The following BSCL2 variants were observed in gnomAD, a reference collection of about 807,000 sequenced individuals.
BSCL2 encodes the protein seipin.
In BSCL2, 41 loss-of-function variants were observed where a neutral mutation model predicts 57.4. The ratio of observed to expected loss-of-function variants is 0.71; its 90% CI spans 0.56 to 0.93. The LOEUF (loss-of-function observed/expected upper bound fraction) is 0.93. Among genes scored for constraint, BSCL2 ranks in the 40% least tolerant of loss-of-function variants. The pLI is 0.00. For missense variants in BSCL2, 539 were observed against 586.7 expected (o/e 0.92, Z 0.84); for synonymous variants, 237 against 227.3 (o/e 1.04, Z -0.38).
rs774590929 is a variant in BSCL2 at position 62,702,470 on chromosome 11, G to A, written c.484C>T (p.Arg162Trp). The A allele has an allele frequency of 4.3e-6, 7 of 1,611,208 alleles. No individual in the cohort carries two copies. Among genetic ancestry groups the A allele is most frequent in the South Asian group, 3.3e-5 (3 of 90,966 alleles). ...NVSLTKGGRD[R>W]VLMYGQPYRV... ...CTCTCTCTAGTTCCCATACTCACCC[G>A]ATCACGTCCACCCTTAGTCAGCGAG... Residue 162 changes from arginine to tryptophan, a missense_variant and splice_region_variant, in exon 3 of 11, where the codon CGG becomes TGG. Physicochemically the swap from Arg to Trp is moderately radical, Grantham distance 101 (BLOSUM62 -3). Transcript: ENST00000360796.
At chr11:62,706,550 G>C (rs1367068097) in intron 1 of BSCL2, 1 of 461,208 alleles carries the variant, frequency 2.2e-6, no homozygotes, top group Non-Finnish European at 4.4e-6. Flanking sequence ...CCCAGGGGAT[G>C]CGCTGACTGC....
chr11:62,705,289 G>T lies in BSCL2; in HGVS notation c.404+12C>A. 6.3e-7 allele frequency: 1 copy of T among 1,599,730 alleles called. No homozygotes were observed. The highest frequency in any genetic ancestry group is 8.5e-7 in the Non-Finnish European group (1 of 1,172,262). On this transcript the variant is annotated intron_variant, in intron 2 of 10. Transcript: ENST00000360796. ...ATAGGAGTCCTCTATTTTGATAGAA[G>T]GCCCCTCTCACCTGTAGTAGAAATG...
At position 62,691,261 on chromosome 11, in the gene BSCL2, G is replaced by A. The variant is rs751077790; in HGVS notation, c.1005+19C>T. The A allele has an allele frequency of 3.7e-6, 6 of 1,614,116 alleles. No individual in the cohort carries two copies. Among genetic ancestry groups the A allele is most frequent in the Non-Finnish European group, 5.1e-6 (6 of 1,180,016 alleles). ...CACAAAGATCAAAGGGACAAAAGGG[G>A]GTCCTTGCCCCTTTCGACCTGCAAA... On this transcript the variant is annotated intron_variant, in intron 7 of 10. Transcript: ENST00000360796.
In BSCL2 at chr11:62,707,181, C is replaced by A; in HGVS notation, c.15G>T (p.Lys5Asn). Residue 5 changes from lysine (K) to asparagine (N), a missense_variant, in exon 1 of 11, where the codon AAG (lysine) becomes AAT (asparagine). By Grantham distance (94) the Lys-to-Asn change is moderately conservative. Coordinates refer to ENST00000360796, the MANE Select transcript of BSCL2 (RefSeq NM_001122955.4). MSTE[K>N]VDQKEEAGEK... ...CCCCAGCTTCCTCCTTTTGGTCTAC[C>A]TTTTCTGTAGACATCTTCCTGACGA... is the stretch of plus-strand genomic sequence containing the variant. The A allele has an allele frequency of 6.4e-7, 1 of 1,553,276 alleles. No individual in the cohort carries two copies. The highest frequency in any genetic ancestry group is 1.4e-5 in the African/African-American group (1 of 73,308).
In BSCL2 at chr11:62,690,456, A is replaced by G. The variant is rs199584887; in HGVS notation, c.1300T>C (p.Ser434Pro). 1.9e-5 allele frequency: 30 copies of G among 1,613,996 alleles called. No individual in the cohort carries two copies. Among genetic ancestry groups the G allele is most frequent in the East Asian group, 4.5e-5 (2 of 44,900 alleles). The change falls in exon 11 of 11, where the codon TCT (serine) becomes CCT (proline). Residue 434 changes from serine (S) to proline (P), a missense_variant. Ser to Pro is a moderately conservative substitution (Grantham distance 74). Transcript: ENST00000360796. ...EANLPAPAPA[S>P]ASAPVLETLG... ...GTCTCTAGGACAGGGGCAGAAGCAGAAGCAGGAGCAGGAGCAGGCAGGTTG... is the reference window on the plus strand; with the variant it reads ...GTCTCTAGGACAGGGGCAGAAGCAGGAGCAGGAGCAGGAGCAGGCAGGTTG...
rs754043914 is a variant in BSCL2, at chr11:62,692,685, T to G, written c.743A>C (p.Tyr248Ser). The change falls in exon 5 of 11, where the codon TAC becomes TCC. Residue 248 changes from tyrosine to serine, a missense_variant. Physicochemically the swap from Tyr to Ser is moderately radical, Grantham distance 144. Around this residue, in one of 3 missense-constraint regions of BSCL2, gnomAD observed 73 missense variants for 122.0 expected, o/e 0.60. Transcript: ENST00000360796. The part of the protein sequence containing the change: ...EQKQLLEVEL[Y>S]ADYRENSYVP... ...CACCGAGTTCTCTCTATAGTCTGCG[T>G]AGAGTTCCACCTCCAGCAGCTGCTT... The G allele has an allele frequency of 6.2e-7, 1 of 1,614,128 alleles. No homozygotes were observed. The highest frequency in any genetic ancestry group is 1.7e-5 in the Admixed American group (1 of 60,010).
chr11:62,698,422 C>CT (rs1353593822), intron 3 of BSCL2, among the ~76,000 whole-genome samples: 11 of 141,250 alleles, frequency 7.8e-5, no homozygotes, highest in East Asian at 4.4e-4. Context: ...TGGTCTTGAA[C>CT]CCTGACCTCA....
chr11:62,701,564 G>A (rs888449239), intron 3 of BSCL2, among the ~76,000 whole-genome samples: 4 of 152,156 alleles, frequency 2.6e-5, no homozygotes, highest in Non-Finnish European at 4.4e-5. Context: ...CAGGCTGGGC[G>A]TGGTGGCTGA....
upstream of BSCL2, chr11:62,708,607 C>T: frequency 6.3e-7 from 1 of 1,592,034 alleles, no homozygotes; most frequent in South Asian, 1.1e-5. Context: ...AAAGAGAACC[C>T]ATTTGGGGAG....
At chr11:62,700,084 T>TAAA in intron 3 of BSCL2, among the ~76,000 whole-genome samples, 1 of 80,220 alleles carries the variant, frequency 1.2e-5, no homozygotes, top group Middle Eastern at 7.9e-3. Context: ...TACTAAAAAT[T>TAAA]AAAAAAAAAA....
intron 3 of BSCL2, chr11:62,697,432 G>A (rs1945504656): frequency 6.7e-6 from 1 of 148,864 alleles, no homozygotes; most frequent in Admixed American, 6.8e-5. Flanking sequence ...ACAATTGCCT[G>A]CTTGATGGGC....
intron 1 of BSCL2, chr11:62,706,278 G>T (rs533416404): frequency 9.0e-7 from 1 of 1,111,156 alleles, no homozygotes. Context: ...GCGCTGCCAG[G>T]GCAACCGTGA....
In BSCL2 at chr11:62,690,446, G is replaced by A. The variant is rs751558047; in HGVS notation, c.1310C>T (p.Ala437Val). The change falls in exon 11 of 11, where the codon GCC becomes GTC. Residue 437 changes from alanine (A) to valine (V), a missense_variant. Coordinates refer to ENST00000360796, the MANE Select transcript of BSCL2 (RefSeq NM_001122955.4). ...LPAPAPASAS[A>V]PVLETLGSSE... is the part of the protein sequence containing the mutation. ...GCTGCCCAGAGTCTCTAGGACAGGG[G>A]CAGAAGCAGAAGCAGGAGCAGGAGC... The A allele has an allele frequency of 3.1e-6, 5 of 1,613,972 alleles. No homozygotes were observed. The highest frequency in any genetic ancestry group is 1.3e-5 in the African/African-American group (1 of 74,888).
rs919357418 is a variant in BSCL2, at chr11:62,698,590, G to A, written c.486+3878C>T. The stretch of plus-strand genomic sequence containing the variant: ...ACGCTGTGAGCTCATTGAGAGCAGC[G>A]ACCACATCTACTTATAGCAAGCCGT... On this transcript the variant is annotated intron_variant, in intron 3 of 10. Coordinates refer to ENST00000360796, the MANE Select transcript of BSCL2 (RefSeq NM_001122955.4). Among the ~76,000 whole-genome samples, 92 of 152,312 alleles carry A rather than the reference G, an allele frequency of 6.0e-4. 1 individual carries two copies. Among genetic ancestry groups the A allele is most frequent in the African/African-American group, 1.8e-3 (75 of 41,566 alleles).
At chr11:62,703,491 A>G (rs1051617115) in intron 2 of BSCL2, among the ~76,000 whole-genome samples, 1 of 151,120 alleles carries the variant, frequency 6.6e-6, no homozygotes, top group Non-Finnish European at 1.5e-5. Flanking sequence ...TAGCTGGGAC[A>G]ACAGGCGCCT....
upstream of BSCL2, chr11:62,708,260 G>T: frequency 7.3e-7 from 1 of 1,373,778 alleles, no homozygotes; most frequent in South Asian, 1.2e-5. Context: ...GCCTCCAGCT[G>T]AGACTGTGCT....
At chr11:62,703,347 G>GTT (rs541712297) in intron 2 of BSCL2, among the ~76,000 whole-genome samples, 40 of 68,782 alleles carry the variant, frequency 5.8e-4, no homozygotes, top group African/African-American at 6.9e-4. Context: ...ATGCATATAC[G>GTT]TTTTTTTTTT....
chr11:62,691,880 C>T (rs1477613115), intron 6 of BSCL2, among the ~76,000 whole-genome samples: 1 of 152,072 alleles, frequency 6.6e-6, no homozygotes, highest in Non-Finnish European at 1.5e-5. Context: ...GAAACCCCAT[C>T]TCTACCAAAA....
intron 8 of BSCL2, 55 bp from the exon 9 acceptor site, chr11:62,690,922 C>A: frequency 6.3e-7 from 1 of 1,592,876 alleles, no homozygotes; most frequent in African/African-American, 1.3e-5. Context: ...TGTGCCTGGA[C>A]GGCAGTGCCA....
Sources: gnomAD v4.1 joint callset for allele counts (sites outside exome capture counted in the v4.1 genomes callset) on GRCh38, gnomAD v4.1.1 for gene constraint, gnomAD v4.1.1 regional missense constraint, MANE v1.5 for transcripts, NCBI Gene and HGNC (gene_info 2026-07-23, HGNC 2026-07-21) for gene names.